The following UBR2 variants were observed in gnomAD, a reference collection of about 807,000 sequenced individuals.
UBR2 encodes the protein E3 ubiquitin-protein ligase UBR2.
In UBR2, 92 loss-of-function variants were observed where a neutral mutation model predicts 247.9. The observed-to-expected ratio is 0.37, with a 90% CI of 0.31 to 0.44. The LOEUF (loss-of-function observed/expected upper bound fraction) is 0.44. Ranked by LOEUF, UBR2 falls within the 20% of genes least tolerant of loss-of-function variation. The pLI is 1.00. For missense variants in UBR2, 1,613 were observed against 2,112.6 expected (o/e 0.76, Z 4.64); for synonymous variants, 672 against 693.5 (o/e 0.97, Z 0.49).
chr6:42,625,679 G>A (rs1285249434), intron 11 of UBR2, among the ~76,000 whole-genome samples: 5 of 151,924 alleles, frequency 3.3e-5, no homozygotes, highest in African/African-American at 4.8e-5. Context: ...CAAGCTCCTG[G>A]CCTCATGTGA....
intron 32 of UBR2, chr6:42,664,093 G>A (rs144234341): frequency 2.0e-5 from 3 of 152,136 alleles, no homozygotes; most frequent in South Asian, 2.1e-4. Flanking sequence ...AGGCTGCAGT[G>A]AGCTTTGATC....
chr6:42,636,128 A>G (rs192337512), intron 14 of UBR2, among the ~76,000 whole-genome samples: 268 of 150,258 alleles, frequency 1.8e-3, no homozygotes, highest in Non-Finnish European at 3.0e-3. Context: ...GAGAACAGAG[A>G]TTTGGGCACA....
Position 42,620,482 on chromosome 6 carries a change from T to G in UBR2, c.1281+2975T>G, listed in dbSNP as rs901698336. Reference sequence around the variant, plus strand: ...TTTACTTCCTGAATATTAAGTGTTGTTTTTTTTTTTTGTTTTTGTTTTTGT... The same window carrying G: ...TTTACTTCCTGAATATTAAGTGTTGGTTTTTTTTTTTGTTTTTGTTTTTGT... On this transcript the variant is annotated intron_variant, in intron 11 of 46. Transcript: ENST00000372901. 42 of 68,386 alleles carry G rather than the reference T, an allele frequency of 6.1e-4. 1 individual carries two copies. Among genetic ancestry groups the G allele is most frequent in the African/African-American group, 1.5e-3 (39 of 25,322 alleles). 4.2% of individuals were successfully genotyped at this position (68,386 alleles called of 1,614,324 possible). A position where few individuals can be genotyped will look rare whatever the true frequency, so the allele number is the denominator to read the frequency against.
intron 22 of UBR2, among the ~76,000 whole-genome samples, chr6:42,649,049 C>T (rs939049043): frequency 9.9e-5 from 15 of 152,138 alleles, no homozygotes; most frequent in African/African-American, 3.1e-4. Context: ...GGTAACAAAG[C>T]GAGACTCAAG....
intron 44 of UBR2, 30 bp from the exon 45 acceptor site, chr6:42,688,186 A>G (rs1799552832): frequency 6.2e-7 from 1 of 1,614,066 alleles, no homozygotes. Context: ...TCTTTAGATC[A>G]ATGACTTGTG....
chr6:42,575,390 T>G (rs1791440805), intron 2 of UBR2, among the ~76,000 whole-genome samples: 1 of 152,242 alleles, frequency 6.6e-6, no homozygotes, highest in African/African-American at 2.4e-5. Flanking sequence ...TTGAATATTC[T>G]GTTGATGTTT....
At chr6:42,586,538 CTTTTT>C (rs147830824) in intron 2 of UBR2, among the ~76,000 whole-genome samples, 6 of 97,254 alleles carry the variant, frequency 6.2e-5, no homozygotes, top group African/African-American at 2.6e-4. Flanking sequence ...GTTTGTCTCT[CTTTTT>C]TTTTTTTTTT....
intron 34 of UBR2, among the ~76,000 whole-genome samples, chr6:42,666,907 GA>G (rs1798138468): frequency 1.3e-5 from 2 of 152,168 alleles, no homozygotes; most frequent in Admixed American, 6.5e-5. Context: ...CAAATTGCTT[GA>G]CCTCTGTGTA....
intron 36 of UBR2, among the ~76,000 whole-genome samples, chr6:42,671,655 T>C (rs1798450397): frequency 6.6e-6 from 1 of 152,190 alleles, no homozygotes; most frequent in Non-Finnish European, 1.5e-5. Context: ...TTTCTCTCCA[T>C]TCCTTCTTCA....
At chr6:42,651,281 A>G (rs1243069993) in intron 23 of UBR2, among the ~76,000 whole-genome samples, 1 of 152,020 alleles carries the variant, frequency 6.6e-6, no homozygotes, top group Admixed American at 6.6e-5. Flanking sequence ...TTTTCAATAA[A>G]CAGCATTAAA....
intron 4 of UBR2, among the ~76,000 whole-genome samples, chr6:42,599,237 G>A (rs1281990254): frequency 6.6e-6 from 1 of 152,122 alleles, no homozygotes; most frequent in Non-Finnish European, 1.5e-5. Flanking sequence ...AGATGTTAAT[G>A]CTGACTATTT....
chr6:42,677,155 G>A (rs991698822), intron 40 of UBR2, among the ~76,000 whole-genome samples: 2 of 152,158 alleles, frequency 1.3e-5, no homozygotes, highest in Non-Finnish European at 2.9e-5. Flanking sequence ...TAGATCAAAT[G>A]TACTTTGGAA....
chr6:42,607,734 T>TTA (rs1279661367), intron 7 of UBR2, among the ~76,000 whole-genome samples: 2 of 148,184 alleles, frequency 1.3e-5, no homozygotes, highest in Non-Finnish European at 3.0e-5. Context: ...TTTTTTTTTT[T>TTA]AGTAGAGAAG....
At chr6:42,646,750 AAAAACCCTATCTTT>A (rs1278711103) in intron 21 of UBR2, among the ~76,000 whole-genome samples, 3 of 151,970 alleles carry the variant, frequency 2.0e-5, no homozygotes. Flanking sequence ...GAGGACTCTT[AAAAACCCTATCTTT>A]ATGTTATCAC....
intron 11 of UBR2, chr6:42,619,454 T>TATATATATATATATATATA (rs774613776): frequency 6.5e-5 from 2 of 30,584 alleles, no homozygotes; most frequent in Admixed American, 6.7e-4. Flanking sequence ...TATATATATA[T>TATATATATATATATATATA]TTTTTTTTTT....
At chr6:42,652,119 T>C in intron 24 of UBR2, 48 bp downstream of exon 24, 2 of 1,517,016 alleles carry the variant, frequency 1.3e-6, no homozygotes, top group East Asian at 2.3e-5. Context: ...TTTTGCTTGT[T>C]AAACATTGTT....
chr6:42,620,440 TA>T (rs1263203319), intron 11 of UBR2: 1 of 152,040 alleles, frequency 6.6e-6, no homozygotes, highest in African/African-American at 2.4e-5. Flanking sequence ...ATACTACAAA[TA>T]TTTTTTCCAC....
chr6:42,585,387 A>C (rs1792189291), intron 2 of UBR2, among the ~76,000 whole-genome samples: 1 of 152,050 alleles, frequency 6.6e-6, no homozygotes, highest in Non-Finnish European at 1.5e-5. Flanking sequence ...GAATATACCC[A>C]TCTGGCATTC....
rs138725294 is a variant in UBR2 at position 42,661,274 on chromosome 6, C to T, written c.3443-910C>T. ...CTGCACTCCAATCTGGGCGACAAAG[C>T]GAGACTGTCTTAAAAAAAAAAAAGA... On this transcript the variant is annotated intron_variant, in intron 30 of 46. Coordinates refer to ENST00000372901, the MANE Select transcript of UBR2 (RefSeq NM_001363705.2). 2.4e-3 allele frequency among the ~76,000 whole-genome samples: 367 copies of T among 151,260 alleles called. 1 individual carries two copies. Among genetic ancestry groups the T allele is most frequent in the African/African-American group, 8.4e-3 (344 of 41,132 alleles).
Sources: allele counts gnomAD v4.1 joint callset (sites outside exome capture counted in the v4.1 genomes callset), GRCh38; gene constraint gnomAD v4.1.1; transcripts MANE v1.5; gene names NCBI Gene and HGNC (gene_info 2026-07-23, HGNC 2026-07-21).